Variants in BPIFB6 observed in about 807,000 individuals in gnomAD.
BPIFB6 encodes BPI fold-containing family B member 6.
A neutral mutation model predicts 54.7 loss-of-function variants in BPIFB6; 47 were observed. The observed-to-expected ratio is 0.86, with a 90% CI of 0.68 to 1.10. The LOEUF (loss-of-function observed/expected upper bound fraction) is 1.10. Ranked by LOEUF, BPIFB6 falls within the 50% of genes least tolerant of loss-of-function variation. The pLI, the probability that BPIFB6 is intolerant of heterozygous loss-of-function variation, is 0.00. For missense variants in BPIFB6, 603 were observed against 564.1 expected (o/e 1.07, Z -0.70); for synonymous variants, 255 against 225.9 (o/e 1.13, Z -1.16).
At chr20:33,031,881 T>C in intron 1 of BPIFB6, 137 bp downstream of exon 1, 1 of 691,412 alleles carries the variant, frequency 1.4e-6, no homozygotes, top group East Asian at 2.8e-5. Context: ...GTTATTATTA[T>C]TCTCCCACTT....
In BPIFB6 at chr20:33,034,800, A is replaced by C; in HGVS notation, c.340A>C (p.Asn114His). The C allele has an allele frequency of 6.2e-7, 1 of 1,613,710 alleles. No individual in the cohort carries two copies. Among genetic ancestry groups the C allele is most frequent in the Non-Finnish European group, 8.5e-7 (1 of 1,179,734 alleles). Reference protein sequence around the residue: ...GGNMEIIVALNITATNRLLRD... With the variant: ...GGNMEIIVALHITATNRLLRD... ...GAACATGGAGATCATCGTGGCCCTG[A>C]ACATCACAGCCACCAACCGGCTTCT... The change falls in exon 4 of 15, where the codon AAC becomes CAC. Residue 114 changes from asparagine (N) to histidine (H), a missense_variant. By Grantham distance (68) the Asn-to-His change is moderately conservative. Transcript: ENST00000349552.
rs777548290 is a variant in BPIFB6, at chr20:33,042,870, T to C, written c.1244T>C (p.Val415Ala). ...TSYLEEAYIP[V>A]VNDVLQVGLP... The stretch of plus-strand genomic sequence containing the variant: ...TATCTCGAAGAAGCCTACATCCCAG[T>C]TGTCAATGGTGAGGGTTCCAAAAGG... Residue 415 changes from valine (V) to alanine (A), a missense_variant, in exon 13 of 15, where the codon GTT (valine) becomes GCT (alanine). By Grantham distance (64) the Val-to-Ala change is moderately conservative. Transcript: ENST00000349552. 3.1e-6 allele frequency: 5 copies of C among 1,613,934 alleles called. No individual in the cohort carries two copies. In the African/African-American group the frequency reaches 5.3e-5, roughly 17 times the overall value.
chr20:33,041,956 C>G lies in BPIFB6; in HGVS notation c.1143-14C>G. 1 of 1,613,976 alleles carries G rather than the reference C, an allele frequency of 6.2e-7. No individual in the cohort carries two copies. Among genetic ancestry groups the G allele is most frequent in the Non-Finnish European group, 8.5e-7 (1 of 1,179,908 alleles). On this transcript the variant is annotated splice_polypyrimidine_tract_variant and intron_variant, in intron 11 of 14. Coordinates refer to ENST00000349552, the MANE Select transcript of BPIFB6 (RefSeq NM_174897.2). ...TCCCCTCCCCGCCTGGCTTGCTTCC[C>G]CACTCCCCCACAGATTACTGAGCTT...
chr20:33,040,511 G>T (rs1475327261), intron 11 of BPIFB6, among the ~76,000 whole-genome samples, 193 bp downstream of exon 11: 1 of 152,120 alleles, frequency 6.6e-6, no homozygotes, highest in East Asian at 1.9e-4. Flanking sequence ...ATCTTAGCCT[G>T]GTACTCAAGG....
chr20:33,032,186 A>T (rs547146247), intron 1 of BPIFB6, among the ~76,000 whole-genome samples: 1 of 152,336 alleles, frequency 6.6e-6, no homozygotes, highest in Non-Finnish European at 1.5e-5. Flanking sequence ...CCCTAGCAGG[A>T]TAGAATAATC....
At chr20:33,033,426 A>G in intron 2 of BPIFB6, 1 of 461,870 alleles carries the variant, frequency 2.2e-6, no homozygotes, top group Non-Finnish European at 4.3e-6. Context: ...AGAGCTGGAA[A>G]GGCATCAACA....
chr20:33,031,931 A>G (rs577151294), intron 1 of BPIFB6, among the ~76,000 whole-genome samples, 187 bp downstream of exon 1: 1 of 152,210 alleles, frequency 6.6e-6, no homozygotes, highest in East Asian at 1.9e-4. Context: ...AAATGGGATG[A>G]TTTTCCCATG....
Position 33,034,969 on chromosome 20 carries a change from A to T in BPIFB6, c.452+57A>T, listed in dbSNP as rs1979270983. The stretch of plus-strand genomic sequence containing the variant: ...GGTCCATATTGCTATACCCCCCAGC[A>T]TATCACTTCCTGAGCCATGGAACCC... On this transcript the variant is annotated intron_variant, in intron 4 of 14. Coordinates refer to ENST00000349552, the MANE Select transcript of BPIFB6 (RefSeq NM_174897.2). The T allele has an allele frequency of 2.5e-6, 4 of 1,605,294 alleles. No individual in the cohort carries two copies. In the Admixed American group the frequency reaches 6.7e-5, roughly 27 times the overall value.
In BPIFB6 at chr20:33,035,093, G is replaced by C. The variant is rs749914538; in HGVS notation, c.465G>C (p.Lys155Asn). The C allele has an allele frequency of 2.5e-6, 4 of 1,613,696 alleles. No individual in the cohort carries two copies. In the African/African-American group the frequency reaches 5.3e-5, roughly 22 times the overall value. Residue 155 changes from lysine (K) to asparagine (N), a missense_variant, in exon 5 of 15, where the codon AAG (lysine) becomes AAC (asparagine). Physicochemically the swap from Lys to Asn is moderately conservative, Grantham distance 94. Transcript: ENST00000349552. ...KTNLPSNMLPKMVNKFLDSTL... is the reference protein window; with the variant it reads ...KTNLPSNMLPNMVNKFLDSTL... ...TGTGTCCATCTAGCATGCTCCCCAA[G>C]ATGGTCAACAAGTTCCTGGACAGCA...
At chr20:33,034,668 C>T in intron 3 of BPIFB6, 95 bp from the exon 4 acceptor site, 2 of 1,408,782 alleles carry the variant, frequency 1.4e-6, no homozygotes, top group Non-Finnish European at 9.7e-7. Context: ...TACCCTTTCT[C>T]CCTCTCAGCT....
chr20:33,039,275 AG>A (rs1979473357), intron 9 of BPIFB6, 71 bp from the exon 10 acceptor site: 1 of 1,447,672 alleles, frequency 6.9e-7, no homozygotes, highest in African/African-American at 1.4e-5. Context: ...CTATGTCTTG[AG>A]GGACCCCTTA....
Position 33,032,987 on chromosome 20 carries a change from TCCAGAGCG to T in BPIFB6, c.105_112del (p.Gln35HisfsTer3). The T allele has an allele frequency of 6.2e-7, 1 of 1,613,358 alleles. No individual in the cohort carries two copies. The highest frequency in any genetic ancestry group is 1.1e-5 in the South Asian group (1 of 91,046). On this transcript the variant is annotated frameshift_variant, in exon 2 of 15. Coordinates refer to ENST00000349552, the MANE Select transcript of BPIFB6 (RefSeq NM_174897.2). LOFTEE classifies it high-confidence loss of function. The stretch of plus-strand genomic sequence containing the variant: ...CAACTAAGTGTCTCCACTCCAGAGG[TCCAGAGCG>T]CCATGGATGAGAGTCATATCCTGGA...
At chr20:33,036,724 G>A (rs1371169705) in intron 7 of BPIFB6, among the ~76,000 whole-genome samples, 188 bp downstream of exon 7, 1 of 152,170 alleles carries the variant, frequency 6.6e-6, no homozygotes, top group Non-Finnish European at 1.5e-5. Context: ...CTCTAAACGC[G>A]AACCTTCAGT....
At position 33,040,270 on chromosome 20, in the gene BPIFB6, A is replaced by G; in HGVS notation, c.1094A>G (p.Gln365Arg). 1.2e-6 allele frequency: 2 copies of G among 1,614,174 alleles called. No homozygotes were observed. Among genetic ancestry groups the G allele is most frequent in the Non-Finnish European group, 1.7e-6 (2 of 1,180,020 alleles). Reference protein sequence around the residue: ...LLEVHFNLKVQYSVHENQLQM... With the variant: ...LLEVHFNLKVRYSVHENQLQM... The stretch of plus-strand genomic sequence containing the variant: ...TGCCAGCACTTCAATCTGAAGGTCC[A>G]GTACTCAGTGCATGAGAACCAGCTG... Residue 365 changes from glutamine to arginine, a missense_variant, in exon 11 of 15, where the codon CAG (glutamine) becomes CGG (arginine). By Grantham distance (43) the Gln-to-Arg change is conservative (BLOSUM62 1). Coordinates refer to ENST00000349552, the MANE Select transcript of BPIFB6 (RefSeq NM_174897.2).
rs537265264 is a variant in BPIFB6 at position 33,035,547 on chromosome 20, C to T, written c.517-65C>T. The T allele has an allele frequency of 5.1e-4, 786 of 1,538,320 alleles. 21 individuals are homozygous for T. The South Asian group carries it at 8.4e-3, about 16-fold the overall frequency. On this transcript the variant is annotated intron_variant, in intron 5 of 14. Coordinates refer to ENST00000349552, the MANE Select transcript of BPIFB6 (RefSeq NM_174897.2). Reference sequence around the variant, plus strand: ...GCTCTTGGGATGGCCCGTGGTGTACCATTCAGCTGTGTGGAGGCTCTCCAT... The same window carrying T: ...GCTCTTGGGATGGCCCGTGGTGTACTATTCAGCTGTGTGGAGGCTCTCCAT...
At chr20:33,038,691 T>C (rs1324521228) in intron 8 of BPIFB6, among the ~76,000 whole-genome samples, 2 of 152,234 alleles carry the variant, frequency 1.3e-5, no homozygotes, top group Non-Finnish European at 2.9e-5. Context: ...CAACAACATT[T>C]TCTTAGCATT....
At chr20:33,032,172 C>T (rs1454102148) in intron 1 of BPIFB6, among the ~76,000 whole-genome samples, 1 of 152,202 alleles carries the variant, frequency 6.6e-6, no homozygotes, top group Non-Finnish European at 1.5e-5. Flanking sequence ...GGTGACCAGT[C>T]TGTCCCTAGC....
Position 33,037,641 on chromosome 20 carries a change from C to G in BPIFB6, c.749C>G (p.Ala250Gly). 1 of 1,614,136 alleles carries G rather than the reference C, an allele frequency of 6.2e-7. No individual in the cohort carries two copies. The highest frequency in any genetic ancestry group is 8.5e-7 in the Non-Finnish European group (1 of 1,180,012). Residue 250 changes from alanine to glycine, a missense_variant, in exon 8 of 15, where the codon GCC becomes GGC. Ala to Gly is a moderately conservative substitution (Grantham distance 60). Transcript: ENST00000349552. ...GEALTFPEGY[A>G]KGSSQLLLPA... ...GCCCTCACGTTCCCTGAGGGTTATG[C>G]CAAAGGCTCGTCGCAGCTGCTGCTC...
chr20:33,037,665 T>C lies in BPIFB6; in HGVS notation c.773T>C (p.Leu258Pro). Reference sequence around the variant, plus strand: ...GCCAAAGGCTCGTCGCAGCTGCTGCTCCCAGCCACCTTCCTCTCTGCAGAG... The same window carrying C: ...GCCAAAGGCTCGTCGCAGCTGCTGCCCCCAGCCACCTTCCTCTCTGCAGAG... ...GYAKGSSQLL[L>P]PATFLSAELA... Residue 258 changes from leucine (L) to proline (P), a missense_variant, in exon 8 of 15, where the codon CTC becomes CCC. Physicochemically the swap from Leu to Pro is moderately conservative, Grantham distance 98. Transcript: ENST00000349552. The C allele has an allele frequency of 1.2e-6, 2 of 1,614,120 alleles. No homozygotes were observed. Among genetic ancestry groups the C allele is most frequent in the Non-Finnish European group, 1.7e-6 (2 of 1,180,034 alleles).
Sources: allele counts gnomAD v4.1 joint callset (sites outside exome capture counted in the v4.1 genomes callset), GRCh38; gene constraint gnomAD v4.1.1; transcripts MANE v1.5; gene names NCBI Gene and HGNC (gene_info 2026-07-23, HGNC 2026-07-21).